The following DNAH1 variants were observed in gnomAD, a reference collection of about 807,000 sequenced individuals.
DNAH1 encodes axonemal beta dynein heavy chain 1.
Under a neutral mutation model 484.3 loss-of-function variants are expected in DNAH1, and 327 were observed. The ratio of observed to expected loss-of-function variants is 0.68; its 90% CI spans 0.62 to 0.74. The LOEUF is 0.74. Ranked by LOEUF, DNAH1 falls within the 30% of genes least tolerant of loss-of-function variation. The pLI is 0.00. For missense variants in DNAH1, 5,052 were observed against 5,546.8 expected, an observed-to-expected ratio of 0.91 and a Z score of 2.83; for synonymous variants, 2,192 against 2,191.9, an observed-to-expected ratio of 1.00 and a Z score of 0.00.
intron 44 of DNAH1, 48 bp downstream of exon 44, chr3:52,373,101 G>GC: frequency 6.4e-7 from 1 of 1,559,364 alleles, no homozygotes; most frequent in Non-Finnish European, 8.7e-7. Context: ...CGCGTGCTGT[G>GC]CAGGGGCACA....
intron 49 of DNAH1, 128 bp from the exon 50 acceptor site, chr3:52,382,192 A>G (rs2153225179): frequency 6.8e-7 from 1 of 1,475,890 alleles, no homozygotes; most frequent in Admixed American, 1.9e-5. Context: ...CAGGGCCTGA[A>G]GGGTCTGCAG....
rs1703826483 is a variant in DNAH1 at position 52,381,149 on chromosome 3, G to A, written c.7609-491G>A. On this transcript the variant is annotated intron_variant, in intron 48 of 77. Coordinates refer to ENST00000420323, the MANE Select transcript of DNAH1 (RefSeq NM_015512.5). The surrounding 1 kb of genome is among the most constrained non-coding windows in gnomAD (Gnocchi z 4.1). The stretch of plus-strand genomic sequence containing the variant: ...TGGGTCTTGCTCCATCACCTAGGCT[G>A]GAGGGCAGTGGCATGAACTTGGCTT... 6.6e-6 allele frequency among the ~76,000 whole-genome samples: 1 copy of A among 152,138 alleles called. No individual in the cohort carries two copies. Among genetic ancestry groups the A allele is most frequent in the Non-Finnish European group, 1.5e-5 (1 of 68,016 alleles).
At chr3:52,394,334 G>C in intron 66 of DNAH1, 131 bp from the exon 67 acceptor site, 1 of 860,954 alleles carries the variant, frequency 1.2e-6, no homozygotes, top group South Asian at 1.7e-5. Flanking sequence ...AGACCTGTTT[G>C]ACTACCATCC....
chr3:52,352,167 A>C, intron 17 of DNAH1, 64 bp downstream of exon 17: 2 of 1,535,248 alleles, frequency 1.3e-6, no homozygotes, highest in South Asian at 2.4e-5. Context: ...ACAGTTCTCC[A>C]GGGCCTGGCC....
chr3:52,341,286 T>C (rs950731128), intron 8 of DNAH1, among the ~76,000 whole-genome samples: 7 of 152,140 alleles, frequency 4.6e-5, no homozygotes, highest in African/African-American at 1.4e-4. Context: ...CAACAAAGGT[T>C]GTCTTAGATT....
intron 49 of DNAH1, 74 bp from the exon 50 acceptor site, chr3:52,382,246 G>T: frequency 6.2e-7 from 1 of 1,610,592 alleles, no homozygotes; most frequent in Non-Finnish European, 8.5e-7. Context: ...TCAGGGTAGG[G>T]TGTGGTCACC....
intron 8 of DNAH1, among the ~76,000 whole-genome samples, chr3:52,341,454 G>A (rs1701936660): frequency 6.6e-6 from 1 of 151,782 alleles, no homozygotes; most frequent in Non-Finnish European, 1.5e-5. Flanking sequence ...GCCTGATCCT[G>A]TGGGAAACTC....
intron 14 of DNAH1, 47 bp from the exon 15 acceptor site, chr3:52,349,942 C>A: frequency 6.4e-7 from 1 of 1,560,004 alleles, no homozygotes; most frequent in Non-Finnish European, 8.7e-7. Flanking sequence ...TGAGGGAAGG[C>A]AAGGGAGCAG....
rs759680126 is a variant in DNAH1 at position 52,396,610 on chromosome 3, TC to T, written c.11431-3del. The T allele has an allele frequency of 1.9e-5, 31 of 1,606,366 alleles. No individual in the cohort carries two copies. The East Asian group carries it at 6.7e-4, about 35-fold the overall frequency. On this transcript the variant is annotated splice_polypyrimidine_tract_variant and splice_region_variant and intron_variant, in intron 71 of 77. Transcript: ENST00000420323. ...CTCCTCACCTCCCCTGCCTCCCACC[TC>T]CCCCAGGTGATGGAGTTCAAGTCTC... is the stretch of plus-strand genomic sequence containing the variant.
rs2153225931 is a variant in DNAH1 at position 52,399,795 on chromosome 3, T to C, written c.12676+16T>C. On this transcript the variant is annotated intron_variant, in intron 77 of 77. Transcript: ENST00000420323. ...ACTCGTGCTGGTATGAGGCCTGGGA[T>C]GGGAGCCTACACTATGGGCGGGGAC... The C allele has an allele frequency of 6.2e-7, 1 of 1,611,810 alleles. No individual in the cohort carries two copies. The highest frequency in any genetic ancestry group is 1.7e-5 in the Admixed American group (1 of 59,932).
At chr3:52,388,057 C>A in intron 56 of DNAH1, 110 bp from the exon 57 acceptor site, 1 of 1,386,374 alleles carries the variant, frequency 7.2e-7, no homozygotes, top group Non-Finnish European at 9.9e-7. Context: ...CTGAGGCCTG[C>A]ACAGGGCATA....
In DNAH1 at chr3:52,345,483, C is replaced by T; in HGVS notation, c.1445-12C>T. The stretch of plus-strand genomic sequence containing the variant: ...AGGGTCTGATACTGGCCCTTGGCCC[C>T]TATCCCTGCAGGGCTGGTGAGTGTC... On this transcript the variant is annotated splice_polypyrimidine_tract_variant and intron_variant, in intron 9 of 77. Coordinates refer to ENST00000420323, the MANE Select transcript of DNAH1 (RefSeq NM_015512.5). The T allele has an allele frequency of 6.4e-7, 1 of 1,555,624 alleles. No individual in the cohort carries two copies. Among genetic ancestry groups the T allele is most frequent in the South Asian group, 1.2e-5 (1 of 84,366 alleles).
chr3:52,328,661 C>T (rs894713975), intron 6 of DNAH1, among the ~76,000 whole-genome samples: 4 of 152,284 alleles, frequency 2.6e-5, no homozygotes, highest in Non-Finnish European at 5.9e-5. Flanking sequence ...GCTCCTTTGG[C>T]CTCAGGCCTG....
intron 48 of DNAH1, 21 bp downstream of exon 48, chr3:52,380,156 C>T (rs1283774541): frequency 1.3e-6 from 2 of 1,560,204 alleles, no homozygotes; most frequent in Non-Finnish European, 8.7e-7. Context: ...CAGGCAGGCG[C>T]CCTGCCCCTG....
chr3:52,371,399 G>A (rs1703333898), intron 41 of DNAH1, among the ~76,000 whole-genome samples: 1 of 152,226 alleles, frequency 6.6e-6, no homozygotes, highest in South Asian at 2.1e-4. Flanking sequence ...TGTGCCCAGT[G>A]GGATGCATTG....
rs1701584128 is a variant in DNAH1, at chr3:52,332,266, A to G, written c.1158A>G (p.Glu386=). 3 of 1,614,098 alleles carry G rather than the reference A, an allele frequency of 1.9e-6. No homozygotes were observed. The highest frequency in any genetic ancestry group is 4.5e-5 in the East Asian group (2 of 44,892). The change falls in exon 8 of 78, where the codon GAA becomes GAG. Residue 386 remains glutamate, a synonymous_variant. Coordinates refer to ENST00000420323, the MANE Select transcript of DNAH1 (RefSeq NM_015512.5). ...VQANALRKNT[E]ALLLYNLYVD... Reference sequence around the variant, plus strand: ...CCAACGCCCTGCGCAAGAACACGGAAGCACTGCTGCTCTACAACTTGTATG... The same window carrying G: ...CCAACGCCCTGCGCAAGAACACGGAGGCACTGCTGCTCTACAACTTGTATG...
upstream of DNAH1, chr3:52,316,180 C>G: frequency 6.6e-6 from 1 of 152,330 alleles, no homozygotes; most frequent in African/African-American, 2.4e-5. Flanking sequence ...AGCATTCTGC[C>G]CCTCTCATCC....
Position 52,370,553 on chromosome 3 carries a change from T to C in DNAH1, c.6335T>C (p.Ile2112Thr). The C allele has an allele frequency of 6.2e-7, 1 of 1,613,962 alleles. No homozygotes were observed. Among genetic ancestry groups the C allele is most frequent in the Non-Finnish European group, 8.5e-7 (1 of 1,179,876 alleles). The change falls in exon 40 of 78, where the codon ATC becomes ACC. Residue 2112 changes from isoleucine to threonine, a missense_variant. Transcript: ENST00000420323. ...GAGCCCTGGTTCATCTTCTCCCTGA[T>C]CTGGAGCGTGGGTGCCACTGGGGAC... ...LIEPWFIFSLIWSVGATGDSS... is the reference protein window; with the variant it reads ...LIEPWFIFSLTWSVGATGDSS...
At chr3:52,386,395 C>T (rs901745718) in intron 55 of DNAH1, 50 bp downstream of exon 55, 2 of 1,503,026 alleles carry the variant, frequency 1.3e-6, no homozygotes, top group African/African-American at 2.8e-5. Flanking sequence ...CCTCTGTCCT[C>T]AAGCCTTCCC....
Sources: allele counts gnomAD v4.1 joint callset (sites outside exome capture counted in the v4.1 genomes callset), GRCh38; gene constraint gnomAD v4.1.1; non-coding constraint Gnocchi (gnomAD v3.1); transcripts MANE v1.5; gene names NCBI Gene and HGNC (gene_info 2026-07-23, HGNC 2026-07-21).